The following TRAPPC9 variants were observed in gnomAD, a reference collection of about 807,000 sequenced individuals.
TRAPPC9 encodes trafficking protein particle complex subunit 9.
In TRAPPC9, 83 loss-of-function variants were observed where a neutral mutation model predicts 124.0. The ratio of observed to expected loss-of-function variants is 0.67; its 90% CI spans 0.56 to 0.80. The LOEUF (loss-of-function observed/expected upper bound fraction) is 0.80. Ranked by LOEUF, TRAPPC9 falls within the 30% of genes least tolerant of loss-of-function variation. The pLI is 0.00. For missense variants in TRAPPC9, 1,302 were observed against 1,508.3 expected, an observed-to-expected ratio of 0.86 and a Z score of 2.27; for synonymous variants, 638 against 617.5, an observed-to-expected ratio of 1.03 and a Z score of -0.49.
intron 17 of TRAPPC9, among the ~76,000 whole-genome samples, chr8:140,089,675 C>T (rs1258380726): frequency 1.3e-5 from 2 of 152,124 alleles, no homozygotes; most frequent in East Asian, 3.9e-4. Context: ...GAGAACCTCG[C>T]CTTCTTTATC....
At position 140,287,652 on chromosome 8, in the gene TRAPPC9, G is replaced by T; in HGVS notation, c.1937C>A (p.Thr646Lys). Reference protein sequence around the residue: ...LPAESGLYPVTLVGVPQTTGT... With the variant: ...LPAESGLYPVKLVGVPQTTGT... ...AGTCGTCTGCGGGACCCCGACGAGC[G>T]TCACTGGGTACAGACCAGATTCAGC... The change falls in exon 13 of 23, where the codon ACG (threonine) becomes AAG (lysine). Residue 646 changes from threonine to lysine, a missense_variant. Around this residue, in one of 3 missense-constraint regions of TRAPPC9, gnomAD observed 640 missense variants for 679.3 expected, o/e 0.94. Transcript: ENST00000438773. The T allele has an allele frequency of 6.2e-7, 1 of 1,614,182 alleles. No homozygotes were observed. The highest frequency in any genetic ancestry group is 8.5e-7 in the Non-Finnish European group (1 of 1,180,010).
intron 21 of TRAPPC9, among the ~76,000 whole-genome samples, chr8:139,817,797 T>A (rs937719642): frequency 6.6e-6 from 1 of 152,142 alleles, no homozygotes; most frequent in Middle Eastern, 3.2e-3. Flanking sequence ...AGAGGCAACT[T>A]AGGTAAAGAC....
chr8:139,751,568 C>T (rs1012373366), intron 21 of TRAPPC9, among the ~76,000 whole-genome samples: 6 of 152,120 alleles, frequency 3.9e-5, no homozygotes, highest in Admixed American at 6.5e-5. Context: ...GTTAGGGTGA[C>T]GGATATAGCT....
intron 12 of TRAPPC9, among the ~76,000 whole-genome samples, chr8:140,289,265 G>A (rs898171897): frequency 6.6e-6 from 1 of 151,752 alleles, no homozygotes; most frequent in Non-Finnish European, 1.5e-5. Flanking sequence ...TCTGTCTACA[G>A]GAAGCACCCA....
chr8:140,093,895 T>G (rs1338256976), intron 17 of TRAPPC9, among the ~76,000 whole-genome samples: 4 of 152,122 alleles, frequency 2.6e-5, no homozygotes, highest in African/African-American at 9.7e-5. Flanking sequence ...TCATGACTGT[T>G]GCTTTCTTTC....
chr8:139,848,012 C>G (rs567853965), intron 21 of TRAPPC9, among the ~76,000 whole-genome samples: 2 of 152,262 alleles, frequency 1.3e-5, no homozygotes, highest in Admixed American at 6.5e-5. Flanking sequence ...TGGAACAAGG[C>G]CCCTAGCCCC....
rs1218914277 is a variant in TRAPPC9, at chr8:139,742,246, G to A, written c.3056-10044C>T. The stretch of plus-strand genomic sequence containing the variant: ...GCATCTTGCTGCGGTTCTCACGTGC[G>A]TTCTCCCGATCTACCCCCAACCGGC... On this transcript the variant is annotated intron_variant, in intron 21 of 22. Transcript: ENST00000438773. The surrounding 1 kb of genome is among the most constrained non-coding windows in gnomAD (Gnocchi z 4.7). Among the ~76,000 whole-genome samples, 1 of 152,160 alleles carries A rather than the reference G, an allele frequency of 6.6e-6. No individual in the cohort carries two copies. Among genetic ancestry groups the A allele is most frequent in the Non-Finnish European group, 1.5e-5 (1 of 68,034 alleles).
chr8:139,995,132 G>T (rs1039769759), intron 18 of TRAPPC9, among the ~76,000 whole-genome samples: 9 of 152,200 alleles, frequency 5.9e-5, no homozygotes, highest in African/African-American at 2.2e-4. Context: ...GTGGATCACA[G>T]TAGGAGCCAG....
intron 2 of TRAPPC9, among the ~76,000 whole-genome samples, chr8:140,442,417 G>A (rs2071050511): frequency 6.6e-6 from 1 of 151,606 alleles, no homozygotes; most frequent in Non-Finnish European, 1.5e-5. Flanking sequence ...GGCTAACACG[G>A]CAAAACCCCG....
At chr8:140,103,929 T>G (rs1309624394) in intron 17 of TRAPPC9, among the ~76,000 whole-genome samples, 2 of 152,230 alleles carry the variant, frequency 1.3e-5, no homozygotes, top group African/African-American at 2.4e-5. Flanking sequence ...AGAGACAGTG[T>G]ATACCACCAG....
chr8:140,445,099 C>T (rs565126146), intron 2 of TRAPPC9, among the ~76,000 whole-genome samples: 26 of 152,308 alleles, frequency 1.7e-4, no homozygotes, highest in African/African-American at 5.3e-4. Flanking sequence ...TTAATCTCTC[C>T]GTTTGAATGC....
At chr8:139,805,716 G>C (rs765188220) in intron 21 of TRAPPC9, among the ~76,000 whole-genome samples, 2 of 152,146 alleles carry the variant, frequency 1.3e-5, no homozygotes, top group African/African-American at 2.4e-5. Flanking sequence ...GGGAGGGCTG[G>C]TAATTCCTGA....
intron 18 of TRAPPC9, among the ~76,000 whole-genome samples, chr8:140,018,881 G>GTTC (rs35877227): frequency 0.48 from 72,129 of 151,718 alleles, 17,595 homozygotes; most frequent in Middle Eastern, 0.64. Context: ...AACGTGCCTT[G>GTTC]TTATTCTTAG....
intron 7 of TRAPPC9, among the ~76,000 whole-genome samples, chr8:140,394,689 C>G (rs761037527): frequency 1.1e-4 from 16 of 152,188 alleles, no homozygotes; most frequent in Non-Finnish European, 1.6e-4. Context: ...CTCTCTTCCC[C>G]ACACTGTCCC....
intron 17 of TRAPPC9, among the ~76,000 whole-genome samples, chr8:140,061,326 CTT>C (rs1298206616): frequency 1.3e-5 from 2 of 151,984 alleles, no homozygotes; most frequent in African/African-American, 4.8e-5. Context: ...TCTTGCAGCT[CTT>C]GAGGCCATAT....
At position 140,185,609 on chromosome 8, in the gene TRAPPC9, C is replaced by A. The variant is rs565298309; in HGVS notation, c.2556+35850G>T. On this transcript the variant is annotated intron_variant, in intron 17 of 22. Coordinates refer to ENST00000438773, the MANE Select transcript of TRAPPC9 (RefSeq NM_001160372.4). The stretch of plus-strand genomic sequence containing the variant: ...CAGACGGAGAAGACGGAGTTCTGGT[C>A]ATGCTGCCCACCCTGTACATGTCAT... Among the ~76,000 whole-genome samples the A allele has an allele frequency of 3.2e-3, 491 of 152,314 alleles. 5 individuals are homozygous for A. The highest frequency in any genetic ancestry group is 0.011 in the African/African-American group (474 of 41,574).
At chr8:140,153,796 A>G (rs981798221) in intron 17 of TRAPPC9, among the ~76,000 whole-genome samples, 6 of 152,186 alleles carry the variant, frequency 3.9e-5, no homozygotes, top group Non-Finnish European at 5.9e-5. Context: ...ATCAAGTCCA[A>G]ATTTCTTCAC....
chr8:140,028,419 T>G (rs1401936543), intron 17 of TRAPPC9, among the ~76,000 whole-genome samples: 1 of 152,206 alleles, frequency 6.6e-6, no homozygotes, highest in East Asian at 1.9e-4. Context: ...GAGTACCTAC[T>G]CCATGCCAAG....
At chr8:139,977,425 T>C (rs1245887746) in intron 19 of TRAPPC9, among the ~76,000 whole-genome samples, 1 of 151,910 alleles carries the variant, frequency 6.6e-6, no homozygotes, top group Non-Finnish European at 1.5e-5. Context: ...GAGACCACCC[T>C]GGCTAACATG....
Sources: allele counts gnomAD v4.1 joint callset (sites outside exome capture counted in the v4.1 genomes callset), GRCh38; gene constraint gnomAD v4.1.1; regional missense constraint gnomAD v4.1.1; non-coding constraint Gnocchi (gnomAD v3.1); transcripts MANE v1.5; gene names NCBI Gene and HGNC (gene_info 2026-07-23, HGNC 2026-07-21).